Variants in ADAM9 observed in about 807,000 individuals in gnomAD.
ADAM9 encodes ADAM metallopeptidase domain 9.
ADAM9 carries 54 observed loss-of-function variants against 108.1 expected under a neutral mutation model. The ratio of observed to expected loss-of-function variants is 0.50; its 90% CI spans 0.40 to 0.63. ADAM9 has a LOEUF of 0.63. Among genes scored for constraint, ADAM9 ranks in the 20% least tolerant of loss-of-function variants. The pLI is 0.00. For missense variants in ADAM9, 830 were observed against 997.7 expected, an observed-to-expected ratio of 0.83 and a Z score of 2.26; for synonymous variants, 316 against 336.0, an observed-to-expected ratio of 0.94 and a Z score of 0.65.
chr8:39,100,341 A>G (rs1254897672), intron 20 of ADAM9, among the ~76,000 whole-genome samples: 3 of 151,792 alleles, frequency 2.0e-5, no homozygotes, highest in Non-Finnish European at 2.9e-5. Flanking sequence ...TACGAAAAAA[A>G]AATTAGCCAG....
At chr8:39,083,131 G>A in intron 18 of ADAM9, 58 bp downstream of exon 18, 1 of 1,320,722 alleles carries the variant, frequency 7.6e-7, no homozygotes, top group Non-Finnish European at 1.1e-6. Context: ...CATAAATTGG[G>A]CATCCTCGTA....
At position 39,105,141 on chromosome 8, in the gene ADAM9, A is replaced by G. The variant is rs547181005; in HGVS notation, c.*1441A>G. Reference sequence around the variant, plus strand: ...TCAGACTTTTGCCAAAGTGTGCACAATGGCTTTTTGTTAATAAAGAACAGA... The same window carrying G: ...TCAGACTTTTGCCAAAGTGTGCACAGTGGCTTTTTGTTAATAAAGAACAGA... On this transcript the variant is annotated 3_prime_UTR_variant, in exon 22 of 22. Coordinates refer to ENST00000487273, the MANE Select transcript of ADAM9 (RefSeq NM_003816.3). The G allele has an allele frequency of 5.7e-4, 241 of 423,506 alleles. No individual in the cohort carries two copies. Among genetic ancestry groups the G allele is most frequent in the Non-Finnish European group, 9.1e-4 (198 of 217,520 alleles). The allele number at this position is 423,506 out of a possible 1,614,324, so 26.2% of individuals were successfully genotyped here.
At chr8:39,070,417 T>G (rs1010453933) in intron 14 of ADAM9, among the ~76,000 whole-genome samples, 18 of 152,146 alleles carry the variant, frequency 1.2e-4, no homozygotes, top group Non-Finnish European at 2.4e-4. Context: ...TCCAGAAATA[T>G]ATACCACTTT....
At chr8:39,045,398 A>G (rs1274250902) in intron 12 of ADAM9, among the ~76,000 whole-genome samples, 1 of 147,716 alleles carries the variant, frequency 6.8e-6, no homozygotes, top group African/African-American at 2.5e-5. Context: ...GTGTGTACAC[A>G]CACCTATATG....
chr8:39,047,156 G>A (rs1837801835), intron 12 of ADAM9, among the ~76,000 whole-genome samples: 2 of 152,060 alleles, frequency 1.3e-5, no homozygotes, highest in African/African-American at 4.8e-5. Flanking sequence ...ATTCTACTAG[G>A]TCATGTTGTA....
At chr8:39,067,561 A>G (rs1162910929) in intron 14 of ADAM9, among the ~76,000 whole-genome samples, 2 of 152,178 alleles carry the variant, frequency 1.3e-5, no homozygotes, top group Non-Finnish European at 2.9e-5. Flanking sequence ...TTATTGGTGT[A>G]TAAGAATGCT....
chr8:39,020,647 A>T (rs1453334431), intron 7 of ADAM9, among the ~76,000 whole-genome samples: 1 of 152,208 alleles, frequency 6.6e-6, no homozygotes, highest in Non-Finnish European at 1.5e-5. Flanking sequence ...TTTTTTAACT[A>T]GTGATTATTG....
chr8:39,045,544 A>G lies in ADAM9; in HGVS notation c.1302+3427A>G, dbSNP rs377633999. 4.0e-4 allele frequency among the ~76,000 whole-genome samples: 48 copies of G among 119,264 alleles called. No homozygotes were observed. The East Asian group carries it at 6.4e-3, about 16-fold the overall frequency. 78.2% of individuals were successfully genotyped at this position (119,264 alleles called of 152,430 possible). A position where few individuals can be genotyped will look rare whatever the true frequency, so the allele number is the denominator to read the frequency against. ...TATATATGTGCATATGTGTGTATAT[A>G]TGTGTGTGTGTATATGTGTGTGTGT... On this transcript the variant is annotated intron_variant, in intron 12 of 21. Coordinates refer to ENST00000487273, the MANE Select transcript of ADAM9 (RefSeq NM_003816.3).
At chr8:39,024,487 C>T (rs955159404) in intron 9 of ADAM9, among the ~76,000 whole-genome samples, 13 of 152,072 alleles carry the variant, frequency 8.5e-5, no homozygotes, top group Admixed American at 5.2e-4. Context: ...AATGGGGTCC[C>T]GAAAACCTTT....
At chr8:39,045,643 CT>C (rs1323577342) in intron 12 of ADAM9, among the ~76,000 whole-genome samples, 2 of 151,548 alleles carry the variant, frequency 1.3e-5, no homozygotes, top group Non-Finnish European at 2.9e-5. Flanking sequence ...AGTTTCATGA[CT>C]TTGGTATTGT....
At chr8:39,008,996 T>C (rs753554459) in intron 2 of ADAM9, among the ~76,000 whole-genome samples, 1 of 152,188 alleles carries the variant, frequency 6.6e-6, no homozygotes, top group Non-Finnish European at 1.5e-5. Context: ...ATATCTGAAT[T>C]GCTGATACAC....
intron 14 of ADAM9, among the ~76,000 whole-genome samples, chr8:39,056,613 A>G (rs1838131806): frequency 6.6e-6 from 1 of 152,198 alleles, no homozygotes; most frequent in Non-Finnish European, 1.5e-5. Flanking sequence ...ACTAAACTGT[A>G]TAGTAAGTTA....
chr8:39,039,841 A>G (rs2129436062), intron 11 of ADAM9, among the ~76,000 whole-genome samples: 1 of 152,298 alleles, frequency 6.6e-6, no homozygotes, highest in Middle Eastern at 3.4e-3. Context: ...AAATGGGATA[A>G]TACAGACGTC....
chr8:39,025,872 C>A lies in ADAM9; in HGVS notation c.984C>A (p.Gly328=), dbSNP rs776927410. The A allele has an allele frequency of 1.2e-6, 2 of 1,613,950 alleles. No homozygotes were observed. Among genetic ancestry groups the A allele is most frequent in the South Asian group, 1.1e-5 (1 of 91,072 alleles). The part of the protein sequence containing the change: ...VGTVCSRSHA[G]GINVFGQITV... ...CAGTGTGTTCAAGGAGCCACGCAGGCGGGATTAATGTGGTACGTTGTTCTT... is the reference window on the plus strand; with the variant it reads ...CAGTGTGTTCAAGGAGCCACGCAGGAGGGATTAATGTGGTACGTTGTTCTT... The change falls in exon 10 of 22, where the codon GGC becomes GGA. Residue 328 remains glycine, a synonymous_variant. Transcript: ENST00000487273.
chr8:39,021,763 G>A, intron 8 of ADAM9, 49 bp downstream of exon 8: 1 of 1,516,410 alleles, frequency 6.6e-7, no homozygotes, highest in South Asian at 1.1e-5. Context: ...TATTCTTTCA[G>A]TCCCAGAACA....
At chr8:39,032,872 C>A (rs1330695337) in intron 11 of ADAM9, among the ~76,000 whole-genome samples, 1 of 152,218 alleles carries the variant, frequency 6.6e-6, no homozygotes, top group Non-Finnish European at 1.5e-5. Context: ...AGTCCTCCAA[C>A]TTTGTTCTTC....
intron 10 of ADAM9, among the ~76,000 whole-genome samples, chr8:39,026,411 T>C (rs571479652): frequency 6.6e-6 from 1 of 152,372 alleles, no homozygotes; most frequent in East Asian, 1.9e-4. Flanking sequence ...AACCATTAAC[T>C]TGTTTTCCTA....
intron 2 of ADAM9, among the ~76,000 whole-genome samples, chr8:39,008,673 A>G (rs1444064729): frequency 6.6e-6 from 1 of 152,158 alleles, no homozygotes; most frequent in Non-Finnish European, 1.5e-5. Flanking sequence ...TGATAGCTAG[A>G]ACACTTTATA....
At position 39,003,828 on chromosome 8, in the gene ADAM9, C is replaced by T. The variant is rs117263848; in HGVS notation, c.98-4058C>T. On this transcript the variant is annotated intron_variant, in intron 1 of 21. Coordinates refer to ENST00000487273, the MANE Select transcript of ADAM9 (RefSeq NM_003816.3). The stretch of plus-strand genomic sequence containing the variant: ...TCTTTTAAAAATAAGTGATTAGTTA[C>T]GGCATTTTGCTTTTCAAATGAGAAT... Among the ~76,000 whole-genome samples, 37 of 152,066 alleles carry T rather than the reference C, an allele frequency of 2.4e-4. No homozygotes were observed. The East Asian group carries it at 5.4e-3, about 22-fold the overall frequency.
Sources: allele counts gnomAD v4.1 joint callset (sites outside exome capture counted in the v4.1 genomes callset), GRCh38; gene constraint gnomAD v4.1.1; transcripts MANE v1.5; gene names NCBI Gene and HGNC (gene_info 2026-07-23, HGNC 2026-07-21).